The following PCDHAC1 variants were observed in gnomAD, a reference collection of about 807,000 sequenced individuals.
PCDHAC1 encodes protocadherin alpha subfamily C, 1.
PCDHAC1 carries 42 observed loss-of-function variants against 60.0 expected under a neutral mutation model. That is an observed-to-expected ratio of 0.70 (90% confidence interval 0.55 to 0.90). PCDHAC1 has a LOEUF of 0.90. Ranked by LOEUF, PCDHAC1 falls within the 40% of genes least tolerant of loss-of-function variation. PCDHAC1 has a pLI of 0.00. For synonymous variants in PCDHAC1, 468 were observed against 499.3 expected (o/e 0.94, Z 0.84); for missense variants, 1,160 against 1,222.3 (o/e 0.95, Z 0.76).
intron 3 of PCDHAC1, among the ~76,000 whole-genome samples, chr5:141,007,395 C>CAAAAAAAAAAAAAAAAAA (rs35800918): frequency 1.1e-5 from 1 of 94,866 alleles, no homozygotes; most frequent in African/African-American, 4.3e-5. Context: ...TACTAAAATA[C>CAAAAAAAAAAAAAAAAAA]AAAAAAAAAA....
At chr5:140,983,767 A>C (rs550605597) in intron 3 of PCDHAC1, among the ~76,000 whole-genome samples, 23 of 152,326 alleles carry the variant, frequency 1.5e-4, no homozygotes, top group African/African-American at 5.3e-4. Context: ...TCAAATACAT[A>C]TCTACATACA....
intron 1 of PCDHAC1, chr5:140,966,814 C>T: frequency 1.9e-6 from 3 of 1,552,444 alleles, no homozygotes; most frequent in East Asian, 2.4e-5. Context: ...ATCCACGGCT[C>T]CGGCGGCCCA....
intron 1 of PCDHAC1, among the ~76,000 whole-genome samples, chr5:140,965,734 AT>A (rs2095929489): frequency 6.6e-6 from 1 of 152,220 alleles, no homozygotes; most frequent in Non-Finnish European, 1.5e-5. Flanking sequence ...ATTTTACCAG[AT>A]TTTCCCCATT....
At chr5:140,980,849 C>A (rs2096908252) in intron 2 of PCDHAC1, among the ~76,000 whole-genome samples, 1 of 152,068 alleles carries the variant, frequency 6.6e-6, no homozygotes, top group Admixed American at 6.6e-5. Context: ...TAATACTAAT[C>A]TTTTTCGTAT....
intron 3 of PCDHAC1, among the ~76,000 whole-genome samples, chr5:141,002,446 G>T (rs1456078562): frequency 1.3e-5 from 2 of 152,156 alleles, no homozygotes; most frequent in Admixed American, 6.5e-5. Context: ...ATAATAATTG[G>T]CACATTTGTA....
chr5:140,927,868 C>T lies in PCDHAC1; in HGVS notation c.976C>T (p.Leu326=), dbSNP rs782143210. 2 of 1,614,220 alleles carry T rather than the reference C, an allele frequency of 1.2e-6. No individual in the cohort carries two copies. Among genetic ancestry groups the T allele is most frequent in the Admixed American group, 1.7e-5 (1 of 60,030 alleles). Residue 326 remains leucine, a synonymous_variant, in exon 1 of 4, where the codon CTG becomes TTG. Transcript: ENST00000253807. The part of the protein sequence containing the change: ...GVFGLASTAK[L]LVEVTDVNDH... ...CTTTGGTTTAGCTAGCACCGCTAAA[C>T]TGCTGGTGGAGGTGACTGACGTGAA...
chr5:140,975,983 T>A (rs975014640), intron 1 of PCDHAC1, among the ~76,000 whole-genome samples: 31 of 152,290 alleles, frequency 2.0e-4, no homozygotes, highest in Admixed American at 2.0e-3. Flanking sequence ...AGCATAGTCC[T>A]GGGAGGTACC....
At chr5:140,966,914 G>C in intron 1 of PCDHAC1, 2 of 1,602,270 alleles carry the variant, frequency 1.2e-6, no homozygotes, top group Non-Finnish European at 1.7e-6. Flanking sequence ...CTCTGTGCCA[G>C]AGGAGCAGGC....
At chr5:140,973,886 T>C (rs887432391) in intron 1 of PCDHAC1, among the ~76,000 whole-genome samples, 2 of 152,242 alleles carry the variant, frequency 1.3e-5, no homozygotes, top group African/African-American at 4.8e-5. Flanking sequence ...TAATGTCAAT[T>C]TGCAAATGTT....
At chr5:140,993,538 A>T (rs1175611433) in intron 3 of PCDHAC1, among the ~76,000 whole-genome samples, 1 of 151,668 alleles carries the variant, frequency 6.6e-6, no homozygotes, top group Non-Finnish European at 1.5e-5. Context: ...AGAGAGAGAG[A>T]TAGAGAAGTG....
chr5:140,986,587 C>G (rs1194407522), intron 3 of PCDHAC1, among the ~76,000 whole-genome samples: 1 of 152,208 alleles, frequency 6.6e-6, no homozygotes, highest in East Asian at 1.9e-4. Flanking sequence ...TCCAGCTCCT[C>G]TTTCTACATT....
At chr5:140,979,051 G>T (rs1554240209) in intron 2 of PCDHAC1, 44 bp downstream of exon 2, 1 of 1,609,534 alleles carries the variant, frequency 6.2e-7, no homozygotes, top group South Asian at 1.1e-5. Flanking sequence ...ACCTTAACTT[G>T]GTATGGCTCA....
At chr5:140,943,861 A>AG (rs2093579644) in intron 1 of PCDHAC1, among the ~76,000 whole-genome samples, 1 of 152,230 alleles carries the variant, frequency 6.6e-6, no homozygotes, top group South Asian at 2.1e-4. Flanking sequence ...AGTCAAGAAG[A>AG]GGTCTCTGAA....
intron 1 of PCDHAC1, among the ~76,000 whole-genome samples, chr5:140,975,411 G>A (rs868983297): frequency 6.6e-6 from 1 of 152,236 alleles, no homozygotes; most frequent in African/African-American, 2.4e-5. Flanking sequence ...CAGTCTTGGA[G>A]ACTATTCAGG....
rs1053041034 is a variant in PCDHAC1 at position 141,011,123 on chromosome 5, T to G, written c.*1186T>G. ...CTCTCTCTTTTCTAAGAAACAATTA[T>G]GTGCACTTTGATACACAACCTTCTC... is the stretch of plus-strand genomic sequence containing the variant. On this transcript the variant is annotated 3_prime_UTR_variant, in exon 4 of 4. Coordinates refer to ENST00000253807, the MANE Select transcript of PCDHAC1 (RefSeq NM_018898.5). 3 of 153,884 alleles carry G rather than the reference T, an allele frequency of 1.9e-5. No homozygotes were observed. The Admixed American group carries it at 2.0e-4, about 10-fold the overall frequency. The allele number at this position is 153,884 out of a possible 1,614,324, so 9.5% of individuals were successfully genotyped here.
intron 2 of PCDHAC1, 93 bp downstream of exon 2, chr5:140,979,100 A>C (rs1325676942): frequency 6.5e-7 from 1 of 1,545,710 alleles, no homozygotes; most frequent in African/African-American, 1.4e-5. Context: ...CAGCTGTCAA[A>C]ACTAAAAAGC....
At position 140,997,696 on chromosome 5, in the gene PCDHAC1, GTA is replaced by G. The variant is rs1328869274; in HGVS notation, c.2582-11929_2582-11928del. On this transcript the variant is annotated intron_variant, in intron 3 of 3. Transcript: ENST00000253807. ...TGTGTGTGTGTGTGTGTGTGTGTGT[GTA>G]TGTTAACAAACACCTTTCTACGTCA... Among the ~76,000 whole-genome samples, 208 of 148,602 alleles carry G rather than the reference GTA, an allele frequency of 1.4e-3. 1 individual carries two copies. Among genetic ancestry groups the G allele is most frequent in the African/African-American group, 4.8e-3 (197 of 40,710 alleles).
At chr5:140,929,782 A>G (rs574140858) in intron 1 of PCDHAC1, 12 of 168,464 alleles carry the variant, frequency 7.1e-5, no homozygotes, top group Non-Finnish European at 1.6e-4. Context: ...AGATGTAAAA[A>G]TAAATTACAA....
chr5:140,978,920 A>G, intron 1 of PCDHAC1, 29 bp from the exon 2 acceptor site: 1 of 1,614,014 alleles, frequency 6.2e-7, no homozygotes, highest in Non-Finnish European at 8.5e-7. Context: ...TTGTCATTTT[A>G]ACAGAAAACT....
Sources: allele counts gnomAD v4.1 joint callset (sites outside exome capture counted in the v4.1 genomes callset), GRCh38; gene constraint gnomAD v4.1.1; transcripts MANE v1.5; gene names NCBI Gene and HGNC (gene_info 2026-07-23, HGNC 2026-07-21).